CFAP43: variants seen among roughly 807,000 people sequenced by gnomAD.
CFAP43 encodes cilia- and flagella-associated protein 43.
A neutral mutation model predicts 218.9 loss-of-function variants in CFAP43; 155 were observed. That is an observed-to-expected ratio of 0.71 (90% CI 0.62 to 0.81). The LOEUF (loss-of-function observed/expected upper bound fraction) is 0.81. Ranked by LOEUF, CFAP43 falls within the 30% of genes least tolerant of loss-of-function variation. CFAP43 has a pLI of 0.00. For synonymous variants in CFAP43, 645 were observed against 681.3 expected (o/e 0.95, Z 0.83); for missense variants, 1,778 against 1,954.3 (o/e 0.91, Z 1.70).
At chr10:104,184,462 C>CTTTTTT (rs34684487) in intron 16 of CFAP43, among the ~76,000 whole-genome samples, 5 of 142,074 alleles carry the variant, frequency 3.5e-5, no homozygotes, top group Non-Finnish European at 3.1e-5. Flanking sequence ...TTAACTATGT[C>CTTTTTT]TTTTTTTTTT....
chr10:104,185,049 C>T lies in CFAP43; in HGVS notation c.2108G>A (p.Arg703Lys). 1 of 1,614,168 alleles carries T rather than the reference C, an allele frequency of 6.2e-7. No individual in the cohort carries two copies. ...TAGGTAGACAAGGGTGCCATCATCT[C>T]TCCCATTCACCAGAATGTTTTGTCC... Reference protein sequence around the residue: ...MDGQNILVNGRDDGTLVYLKW... With the variant: ...MDGQNILVNGKDDGTLVYLKW... Residue 703 changes from arginine (R) to lysine (K), a missense_variant, in exon 16 of 38, where the codon AGA becomes AAA. Physicochemically the swap from Arg to Lys is conservative, Grantham distance 26. Around this residue, in one of 3 missense-constraint regions of CFAP43, gnomAD observed 1,553 missense variants for 1,685.2 expected, o/e 0.92. Coordinates refer to ENST00000357060, the MANE Select transcript of CFAP43 (RefSeq NM_025145.7).
At position 104,232,207 on chromosome 10, in the gene CFAP43, C is replaced by T; in HGVS notation, c.40G>A (p.Ala14Thr). 2 of 1,609,252 alleles carry T rather than the reference C, an allele frequency of 1.2e-6. No homozygotes were observed. The highest frequency in any genetic ancestry group is 1.7e-6 in the Non-Finnish European group (2 of 1,178,542). ...GRERDEGPHS[A>T]GGASLSVRWV... ...CTCACGGACAAGGACGCGCCGCCGG[C>T]GGAGTGGGGGCCTTCGTCGCGCTCC... The change falls in exon 1 of 38, where the codon GCC becomes ACC. Residue 14 changes from alanine (A) to threonine (T), a missense_variant. Physicochemically the swap from Ala to Thr is moderately conservative, Grantham distance 58. This residue lies in a region of CFAP43 where 1,553 missense variants were observed against 1,685.2 expected (regional missense o/e 0.92). Transcript: ENST00000357060.
intron 10 of CFAP43, 136 bp downstream of exon 10, chr10:104,196,717 T>C: frequency 1.5e-6 from 1 of 653,748 alleles, no homozygotes; most frequent in African/African-American, 1.9e-5. Context: ...CAAGGATTAC[T>C]GTAAATCTAG....
intron 3 of CFAP43, among the ~76,000 whole-genome samples, chr10:104,217,763 C>T (rs2091056076): frequency 6.6e-6 from 1 of 152,282 alleles, no homozygotes; most frequent in South Asian, 2.1e-4. Context: ...CATACAGATG[C>T]TGAGGCACTT....
At chr10:104,141,662 T>G (rs780504687) in intron 33 of CFAP43, among the ~76,000 whole-genome samples, 6 of 152,154 alleles carry the variant, frequency 3.9e-5, no homozygotes, top group Non-Finnish European at 8.8e-5. Flanking sequence ...CTGAACTTAT[T>G]TATTGATTTC....
intron 13 of CFAP43, 31 bp from the exon 14 acceptor site, chr10:104,187,523 C>A: frequency 6.8e-7 from 1 of 1,474,816 alleles, no homozygotes. Flanking sequence ...AGAGAAATCA[C>A]TTGTACCATA....
chr10:104,188,524 C>T lies in CFAP43; in HGVS notation c.1547-114G>A, dbSNP rs143568176. On this transcript the variant is annotated intron_variant, in intron 12 of 37. Coordinates refer to ENST00000357060, the MANE Select transcript of CFAP43 (RefSeq NM_025145.7). Reference sequence around the variant, plus strand: ...CTTGCCTTCACTATATCTTTAGAATCAAATTATTTGCTGGACATTTAAAGT... The same window carrying T: ...CTTGCCTTCACTATATCTTTAGAATTAAATTATTTGCTGGACATTTAAAGT... 181 of 1,328,316 alleles carry T rather than the reference C, an allele frequency of 1.4e-4. No homozygotes were observed. The African/African-American group carries it at 2.2e-3, about 16-fold the overall frequency. The allele number at this position is 1,328,316 out of a possible 1,614,324, so 82.3% of individuals were successfully genotyped here. A position where few individuals can be genotyped will look rare whatever the true frequency, so the allele number is the denominator to read the frequency against.
At chr10:104,199,922 C>T (rs905607924) in intron 8 of CFAP43, among the ~76,000 whole-genome samples, 1 of 152,134 alleles carries the variant, frequency 6.6e-6, no homozygotes, top group Admixed American at 6.5e-5. Flanking sequence ...CAACAGGACC[C>T]ACTTAGAATT....
intron 4 of CFAP43, among the ~76,000 whole-genome samples, chr10:104,212,562 A>C (rs2090896467): frequency 6.6e-6 from 1 of 152,236 alleles, no homozygotes; most frequent in Non-Finnish European, 1.5e-5. Context: ...AAATTTCAAG[A>C]GAATACTATA....
At chr10:104,152,934 T>C (rs551862189) in intron 27 of CFAP43, among the ~76,000 whole-genome samples, 8 of 152,026 alleles carry the variant, frequency 5.3e-5, no homozygotes, top group South Asian at 2.1e-4. Context: ...AAAGATTACA[T>C]TGGGGAAAAA....
chr10:104,211,971 C>A, intron 5 of CFAP43, 36 bp downstream of exon 5: 9 of 1,602,014 alleles, frequency 5.6e-6, no homozygotes, highest in Non-Finnish European at 7.7e-6. Context: ...AGACCTCAAC[C>A]CATTAGGCAA....
intron 15 of CFAP43, 105 bp from the exon 16 acceptor site, chr10:104,185,251 T>A (rs2089994919): frequency 6.9e-7 from 1 of 1,440,056 alleles, no homozygotes; most frequent in Non-Finnish European, 9.5e-7. Context: ...TCATTTTCTA[T>A]TTGCTAACAG....
In CFAP43 at chr10:104,197,050, G is replaced by A. The variant is rs1047520263; in HGVS notation, c.1213-117C>T. Reference sequence around the variant, plus strand: ...TAGTATAAAATTTCATTTTACTTACGTGGATTATAAATACTTATTTTATCA... The same window carrying A: ...TAGTATAAAATTTCATTTTACTTACATGGATTATAAATACTTATTTTATCA... On this transcript the variant is annotated intron_variant, in intron 9 of 37. Coordinates refer to ENST00000357060, the MANE Select transcript of CFAP43 (RefSeq NM_025145.7). 5.6e-5 allele frequency: 39 copies of A among 701,762 alleles called. No homozygotes were observed. The Admixed American group carries it at 8.6e-4, about 15-fold the overall frequency. The allele number at this position is 701,762 out of a possible 1,614,324, so 43.5% of individuals were successfully genotyped here. A position where few individuals can be genotyped will look rare whatever the true frequency, so the allele number is the denominator to read the frequency against.
intron 31 of CFAP43, among the ~76,000 whole-genome samples, chr10:104,145,025 G>T (rs976340312): frequency 6.6e-6 from 1 of 152,150 alleles, no homozygotes; most frequent in African/African-American, 2.4e-5. Context: ...TGCAGTAAAA[G>T]AAAAGCTGCT....
chr10:104,207,632 T>C (rs1320394789), intron 6 of CFAP43, 33 bp downstream of exon 6: 2 of 1,588,998 alleles, frequency 1.3e-6, no homozygotes, highest in African/African-American at 1.4e-5. Context: ...CACCCATGGC[T>C]ATACAGGAAT....
rs769979827 is a variant in CFAP43, at chr10:104,152,729, A to G, written c.3541-3T>C. 1.2e-6 allele frequency: 2 copies of G among 1,605,542 alleles called. No homozygotes were observed. The highest frequency in any genetic ancestry group is 1.7e-6 in the Non-Finnish European group (2 of 1,177,874). ...TTCTTCAGTTCTGCTTCTAATGACT[A>G]AAAGGAAAACAATAGTAAAGTTAAC... is the stretch of plus-strand genomic sequence containing the variant. On this transcript the variant is annotated splice_polypyrimidine_tract_variant and splice_region_variant and intron_variant, in intron 27 of 37. Coordinates refer to ENST00000357060, the MANE Select transcript of CFAP43 (RefSeq NM_025145.7).
Position 104,218,778 on chromosome 10 carries a change from C to T in CFAP43, c.417-4352G>A, listed in dbSNP as rs201951156. The T allele has an allele frequency of 8.2e-5, 45 of 548,972 alleles. 4 individuals carry two copies. The highest frequency in any genetic ancestry group is 5.7e-4 in the South Asian group (40 of 70,438). The allele number at this position is 548,972 out of a possible 1,614,324, so 34.0% of individuals were successfully genotyped here. A position where few individuals can be genotyped will look rare whatever the true frequency, so the allele number is the denominator to read the frequency against. On this transcript the variant is annotated intron_variant, in intron 3 of 37. Coordinates refer to ENST00000357060, the MANE Select transcript of CFAP43 (RefSeq NM_025145.7). ...CTCCCCATTGGCTCCCAAAATACACCGGTGGTTTAGGGTTCCTCTGCTGTT... is the reference window on the plus strand; with the variant it reads ...CTCCCCATTGGCTCCCAAAATACACTGGTGGTTTAGGGTTCCTCTGCTGTT...
At chr10:104,167,553 C>G in intron 22 of CFAP43, 68 bp downstream of exon 22, 1 of 1,248,714 alleles carries the variant, frequency 8.0e-7, no homozygotes, top group South Asian at 1.7e-5. Flanking sequence ...CCAACTCAAA[C>G]CTGAACAAAG....
chr10:104,186,466 C>T (rs2090033416), intron 14 of CFAP43, among the ~76,000 whole-genome samples: 1 of 151,890 alleles, frequency 6.6e-6, no homozygotes, highest in Non-Finnish European at 1.5e-5. Flanking sequence ...GTCAATATTC[C>T]CCGTATGTTT....
Sources: gnomAD v4.1 joint callset for allele counts (sites outside exome capture counted in the v4.1 genomes callset) on GRCh38, gnomAD v4.1.1 for gene constraint, gnomAD v4.1.1 regional missense constraint, MANE v1.5 for transcripts, NCBI Gene and HGNC (gene_info 2026-07-23, HGNC 2026-07-21) for gene names.